Variants in RTF2 observed in about 807,000 individuals in gnomAD.
The protein encoded by RTF2 is UPF0549 protein C20orf43.
RTF2 carries 18 observed loss-of-function variants against 38.0 expected under a neutral mutation model. That is an observed-to-expected ratio of 0.47 (90% confidence interval 0.33 to 0.70). The LOEUF (loss-of-function observed/expected upper bound fraction) is 0.70. Ranked by LOEUF, RTF2 falls within the 30% of genes least tolerant of loss-of-function variation. The pLI, the probability that RTF2 is intolerant of heterozygous loss-of-function variation, is 0.02. For missense variants in RTF2, 311 were observed against 379.6 expected, an observed-to-expected ratio of 0.82 and a Z score of 1.50; for synonymous variants, 126 against 137.1, an observed-to-expected ratio of 0.92 and a Z score of 0.57.
At chr20:56,499,658 T>C (rs1431156336) in intron 5 of RTF2, among the ~76,000 whole-genome samples, 1 of 152,090 alleles carries the variant, frequency 6.6e-6, no homozygotes, top group Admixed American at 6.5e-5. Context: ...CCAGATACCA[T>C]AGTTTGTCAT....
intron 1 of RTF2, chr20:56,470,462 A>T (rs1395267223): frequency 5.0e-6 from 2 of 400,032 alleles, no homozygotes; most frequent in Admixed American, 5.4e-5. Flanking sequence ...GGGATATAGC[A>T]GTGAACAAGG....
At chr20:56,484,766 G>T (rs950809128) in intron 5 of RTF2, among the ~76,000 whole-genome samples, 1 of 152,240 alleles carries the variant, frequency 6.6e-6, no homozygotes, top group Non-Finnish European at 1.5e-5. Context: ...AAATACTGAT[G>T]CTTTGCTTTA....
At position 56,476,808 on chromosome 20, in the gene RTF2, G is replaced by GTTTTCTA. The variant is rs1440564933; in HGVS notation, c.259-175_259-169dup. On this transcript the variant is annotated intron_variant, in intron 3 of 8. Transcript: ENST00000357348. ...GCCACCACACCCGGCCTTGTTTTCT[G>GTTTTCTA]TTTTCTATATATGGTTTAATATTAT... is the stretch of plus-strand genomic sequence containing the variant. Among the ~76,000 whole-genome samples, 3 of 152,000 alleles carry GTTTTCTA rather than the reference G, an allele frequency of 2.0e-5. No homozygotes were observed. The East Asian group carries it at 5.8e-4, about 29-fold the overall frequency.
chr20:56,478,850 T>C (rs1982386307), intron 4 of RTF2, among the ~76,000 whole-genome samples: 1 of 152,224 alleles, frequency 6.6e-6, no homozygotes, highest in Admixed American at 6.5e-5. Context: ...TCTTTCAAAA[T>C]TGGAATCAGT....
At chr20:56,514,375 G>A (rs918032103) in intron 6 of RTF2, 1 of 152,106 alleles carries the variant, frequency 6.6e-6, no homozygotes, top group Non-Finnish European at 1.5e-5. Flanking sequence ...TTGGGTTCAG[G>A]ATAAGCTAGG....
Position 56,513,396 on chromosome 20 carries a change from G to A in RTF2, c.559G>A (p.Glu187Lys). The change falls in exon 6 of 9, where the codon GAG becomes AAG. Residue 187 changes from glutamate (E) to lysine (K), a missense_variant. Coordinates refer to ENST00000357348, the MANE Select transcript of RTF2 (RefSeq NM_016407.5). Reference sequence around the variant, plus strand: ...TGTGGACGTGCTGAAGACAAGGATGGAGGAGAGAAGGCTGAGAGCGAAGCT... The same window carrying A: ...TGTGGACGTGCTGAAGACAAGGATGAAGGAGAGAAGGCTGAGAGCGAAGCT... ...EDVDVLKTRM[E>K]ERRLRAKLEK... 1.9e-6 allele frequency: 3 copies of A among 1,606,414 alleles called. No homozygotes were observed. Among genetic ancestry groups the A allele is most frequent in the Non-Finnish European group, 2.5e-6 (3 of 1,176,760 alleles).
chr20:56,468,796 C>T (rs1157477628), intron 1 of RTF2, 30 bp downstream of exon 1: 19 of 1,544,530 alleles, frequency 1.2e-5, no homozygotes, highest in African/African-American at 5.5e-5. Context: ...TCTTGGCGAC[C>T]GGGGGTGGTG....
chr20:56,496,523 C>T (rs1207462684), intron 5 of RTF2: 30 of 1,197,208 alleles, frequency 2.5e-5, no homozygotes, highest in East Asian at 1.3e-4. Context: ...ACTCCAGCCT[C>T]GGTGACCGTG....
intron 6 of RTF2, chr20:56,515,599 G>GAGACACAC (rs1984989311): frequency 4.1e-5 from 2 of 49,088 alleles, no homozygotes; most frequent in African/African-American, 1.5e-4. Flanking sequence ...GAGAGAGAGA[G>GAGACACAC]ACACACACAC....
chr20:56,475,106 A>C (rs1251316204), intron 3 of RTF2, among the ~76,000 whole-genome samples: 1 of 152,246 alleles, frequency 6.6e-6, no homozygotes, highest in African/African-American at 2.4e-5. Context: ...GAATTAGATA[A>C]TTTTATGGAT....
chr20:56,507,692 A>G lies in RTF2; in HGVS notation c.478-5623A>G, dbSNP rs148169196. Among the ~76,000 whole-genome samples, 3 of 152,322 alleles carry G rather than the reference A, an allele frequency of 2.0e-5. No individual in the cohort carries two copies. In the East Asian group the frequency reaches 5.8e-4, roughly 29 times the overall value. On this transcript the variant is annotated intron_variant, in intron 5 of 8. Transcript: ENST00000357348. ...AGTGATAGAAAGAAGCAGCAGCAGA[A>G]ACCCAGGAGGAGAGAAAAAGAAAGG...
chr20:56,491,545 A>G (rs1455673203), intron 5 of RTF2: 3 of 1,498,324 alleles, frequency 2.0e-6, no homozygotes, highest in Non-Finnish European at 2.7e-6. Context: ...CCAGTAAGAA[A>G]GCAAACACTC....
In RTF2 at chr20:56,479,314, C is replaced by A. The variant is rs545161860; in HGVS notation, c.398+2190C>A. ...AATCTCGGCTCACTGCAACCCCCAC[C>A]TCCTGGGTTCAAGTAATTCTGCTGC... On this transcript the variant is annotated intron_variant, in intron 4 of 8. Coordinates refer to ENST00000357348, the MANE Select transcript of RTF2 (RefSeq NM_016407.5). 3.8e-3 allele frequency among the ~76,000 whole-genome samples: 579 copies of A among 151,396 alleles called. 4 individuals carry two copies. The highest frequency in any genetic ancestry group is 0.013 in the African/African-American group (543 of 41,302).
chr20:56,469,800 A>C (rs1981864938), intron 1 of RTF2, among the ~76,000 whole-genome samples: 1 of 151,626 alleles, frequency 6.6e-6, no homozygotes, highest in Non-Finnish European at 1.5e-5. Flanking sequence ...GCCCCTCTCC[A>C]CCTCTTTCAT....
chr20:56,494,107 C>T (rs940307515), intron 5 of RTF2, among the ~76,000 whole-genome samples: 3 of 152,038 alleles, frequency 2.0e-5, no homozygotes, highest in Non-Finnish European at 4.4e-5. Flanking sequence ...AGCTCGGACC[C>T]GGAAGATTTA....
At position 56,491,804 on chromosome 20, in the gene RTF2, A is replaced by G. The variant is rs925331831; in HGVS notation, c.477+7615A>G. The G allele has an allele frequency of 3.9e-6, 6 of 1,524,600 alleles. No individual in the cohort carries two copies. In the African/African-American group the frequency reaches 6.9e-5, roughly 18 times the overall value. 94.4% of individuals were successfully genotyped at this position (1,524,600 alleles called of 1,614,324 possible). A position where few individuals can be genotyped will look rare whatever the true frequency, so the allele number is the denominator to read the frequency against. On this transcript the variant is annotated intron_variant, in intron 5 of 8. Coordinates refer to ENST00000357348, the MANE Select transcript of RTF2 (RefSeq NM_016407.5). Reference sequence around the variant, plus strand: ...GCGGCCTGCAGAAAGAAACACAAAAACCTAGCTGCCTTTGTTTCCTCACCC... The same window carrying G: ...GCGGCCTGCAGAAAGAAACACAAAAGCCTAGCTGCCTTTGTTTCCTCACCC...
intron 5 of RTF2, among the ~76,000 whole-genome samples, chr20:56,494,076 G>A (rs573854689): frequency 4.1e-4 from 63 of 152,254 alleles, no homozygotes; most frequent in African/African-American, 1.4e-3. Flanking sequence ...GAATTGTTGT[G>A]AGGATTGAGT....
chr20:56,477,673 A>T (rs958144643), intron 4 of RTF2, among the ~76,000 whole-genome samples: 1 of 152,010 alleles, frequency 6.6e-6, no homozygotes, highest in African/African-American at 2.4e-5. Context: ...GTAAGCCACC[A>T]CGCCCGGCCA....
chr20:56,490,587 G>A (rs1190299584), intron 5 of RTF2, among the ~76,000 whole-genome samples: 1 of 152,232 alleles, frequency 6.6e-6, no homozygotes, highest in African/African-American at 2.4e-5. Flanking sequence ...GGCCAAGGCA[G>A]GCGGATCACC....
Sources: gnomAD v4.1 joint callset for allele counts (sites outside exome capture counted in the v4.1 genomes callset) on GRCh38, gnomAD v4.1.1 for gene constraint, MANE v1.5 for transcripts, NCBI Gene and HGNC (gene_info 2026-07-23, HGNC 2026-07-21) for gene names.